The following TRAPPC9 variants were observed in gnomAD, a reference collection of about 807,000 sequenced individuals.
TRAPPC9 encodes trafficking protein particle complex subunit 9, also known as IKK2 binding protein.
TRAPPC9 carries 83 observed loss-of-function variants against 124.0 expected under a neutral mutation model. The ratio of observed to expected loss-of-function variants is 0.67; its 90% CI spans 0.56 to 0.80. The LOEUF (loss-of-function observed/expected upper bound fraction) is 0.80. Among genes scored for constraint, TRAPPC9 ranks in the 30% least tolerant of loss-of-function variants. The pLI, the probability that TRAPPC9 is intolerant of heterozygous loss-of-function variation, is 0.00. For missense variants in TRAPPC9, 1,302 were observed against 1,508.3 expected (o/e 0.86, Z 2.27); for synonymous variants, 638 against 617.5 (o/e 1.03, Z -0.49).
intron 10 of TRAPPC9, among the ~76,000 whole-genome samples, chr8:140,309,735 GA>G (rs1479816556): frequency 2.0e-5 from 3 of 152,358 alleles, no homozygotes; most frequent in South Asian, 2.1e-4. Flanking sequence ...CTTAGTCATA[GA>G]AAAGCCTCAA....
At chr8:139,856,116 C>T (rs981358919) in intron 21 of TRAPPC9, among the ~76,000 whole-genome samples, 5 of 152,148 alleles carry the variant, frequency 3.3e-5, no homozygotes, top group African/African-American at 4.8e-5. Flanking sequence ...GCCAGGGACA[C>T]GGAGCACAGA....
chr8:140,054,607 A>G (rs765505128), intron 17 of TRAPPC9, among the ~76,000 whole-genome samples: 1 of 152,194 alleles, frequency 6.6e-6, no homozygotes, highest in Non-Finnish European at 1.5e-5. Context: ...TTTAAAAAAC[A>G]ACTAAATTTT....
chr8:139,864,005 C>T (rs1173019590), intron 21 of TRAPPC9, among the ~76,000 whole-genome samples: 1 of 152,210 alleles, frequency 6.6e-6, no homozygotes, highest in African/African-American at 2.4e-5. Flanking sequence ...CACCGCCCAC[C>T]AGTGGGACCA....
At chr8:140,284,058 A>G in intron 13 of TRAPPC9, 37 bp from the exon 14 acceptor site, 1 of 1,613,284 alleles carries the variant, frequency 6.2e-7, no homozygotes, top group Non-Finnish European at 8.5e-7. Flanking sequence ...TCCACTGGCA[A>G]GGCTTTGGGT....
In TRAPPC9 at chr8:140,076,659, G is replaced by A. The variant is rs528800928; in HGVS notation, c.2557-52580C>T. On this transcript the variant is annotated intron_variant, in intron 17 of 22. Coordinates refer to ENST00000438773, the MANE Select transcript of TRAPPC9 (RefSeq NM_001160372.4). ...GCCACTCACTGTGAGGTCTGAATAC[G>A]ATCACGAAGATCGGCCGTGGCACCC... 2.3e-4 allele frequency among the ~76,000 whole-genome samples: 35 copies of A among 152,236 alleles called. No individual in the cohort carries two copies. In the South Asian group the frequency reaches 6.9e-3, roughly 30 times the overall value.
intron 15 of TRAPPC9, among the ~76,000 whole-genome samples, chr8:140,258,910 G>T (rs1409935017): frequency 6.6e-6 from 1 of 152,210 alleles, no homozygotes. Flanking sequence ...ATACAGCTGA[G>T]ATACTGAGGC....
At chr8:139,784,646 A>ATATATATATATATAT (rs1290029459) in intron 21 of TRAPPC9, among the ~76,000 whole-genome samples, 30 of 79,274 alleles carry the variant, frequency 3.8e-4, no homozygotes, top group South Asian at 9.4e-4. Context: ...TATATATATA[A>ATATATATATATATAT]ATCAACTGCA....
intron 17 of TRAPPC9, among the ~76,000 whole-genome samples, chr8:140,183,684 G>A (rs1322896528): frequency 1.3e-5 from 2 of 151,238 alleles, no homozygotes; most frequent in Non-Finnish European, 2.9e-5. Flanking sequence ...ATGGTGAAAC[G>A]TCTCTACTAA....
At chr8:139,822,153 A>G (rs1432589014) in intron 21 of TRAPPC9, among the ~76,000 whole-genome samples, 2 of 152,144 alleles carry the variant, frequency 1.3e-5, no homozygotes, top group East Asian at 3.9e-4. Flanking sequence ...GAGCTGGGCC[A>G]GCTGTGGGCC....
intron 16 of TRAPPC9, among the ~76,000 whole-genome samples, chr8:140,231,875 T>C (rs1306388164): frequency 6.6e-6 from 1 of 152,110 alleles, no homozygotes; most frequent in East Asian, 1.9e-4. Flanking sequence ...CAGAAAAGTC[T>C]TCCCAGCCCT....
At chr8:140,296,700 T>C (rs982405703) in intron 11 of TRAPPC9, among the ~76,000 whole-genome samples, 3 of 152,214 alleles carry the variant, frequency 2.0e-5, no homozygotes, top group Non-Finnish European at 2.9e-5. Context: ...CTAGTGATGT[T>C]TGAACAAAGG....
intron 21 of TRAPPC9, among the ~76,000 whole-genome samples, chr8:139,751,005 A>C (rs1181641377): frequency 6.6e-6 from 1 of 152,220 alleles, no homozygotes. Flanking sequence ...GCAGACAGCC[A>C]AGCACAAGGG....
At chr8:140,235,174 T>C (rs2063703657) in intron 16 of TRAPPC9, among the ~76,000 whole-genome samples, 1 of 152,212 alleles carries the variant, frequency 6.6e-6, no homozygotes, top group Middle Eastern at 3.2e-3. Context: ...GGTTTCACCA[T>C]GTTGGTCAGG....
At chr8:140,214,350 G>T (rs1563851893) in intron 17 of TRAPPC9, among the ~76,000 whole-genome samples, 1 of 152,208 alleles carries the variant, frequency 6.6e-6, no homozygotes, top group Admixed American at 6.5e-5. Context: ...TGTGGGCAAA[G>T]ACCAGACTCC....
chr8:139,753,731 C>T (rs1198531544), intron 21 of TRAPPC9, among the ~76,000 whole-genome samples: 20 of 152,208 alleles, frequency 1.3e-4, no homozygotes, highest in Non-Finnish European at 2.9e-4. Context: ...TGGCCAGCCA[C>T]CCATTCTACA....
intron 17 of TRAPPC9, among the ~76,000 whole-genome samples, chr8:140,180,679 AT>A (rs11292362): frequency 0.76 from 104,337 of 138,154 alleles, 40,181 homozygotes; most frequent in East Asian, 0.98. Flanking sequence ...GTTAACAGCT[AT>A]TTTTTTTTTT....
intron 17 of TRAPPC9, among the ~76,000 whole-genome samples, chr8:140,150,378 G>A (rs2061525798): frequency 1.3e-5 from 2 of 152,178 alleles, no homozygotes; most frequent in Non-Finnish European, 2.9e-5. Context: ...GAACCCAGGA[G>A]GTAGAGGCTG....
At chr8:140,443,383 C>G (rs1354209972) in intron 2 of TRAPPC9, among the ~76,000 whole-genome samples, 1 of 151,510 alleles carries the variant, frequency 6.6e-6, no homozygotes, top group Non-Finnish European at 1.5e-5. Flanking sequence ...TTGCAGTGAG[C>G]CAAGATCGCG....
intron 11 of TRAPPC9, among the ~76,000 whole-genome samples, chr8:140,300,011 C>G (rs910127833): frequency 1.3e-5 from 2 of 152,250 alleles, no homozygotes; most frequent in Non-Finnish European, 2.9e-5. Context: ...AACTGTCACT[C>G]TTCTGTAGTT....
Sources: gnomAD v4.1 joint callset for allele counts (sites outside exome capture counted in the v4.1 genomes callset) on GRCh38, gnomAD v4.1.1 for gene constraint, MANE v1.5 for transcripts, NCBI Gene and HGNC (gene_info 2026-07-23, HGNC 2026-07-21) for gene names.